The following RASSF3 variants were observed in gnomAD, a reference collection of about 807,000 sequenced individuals.
RASSF3 encodes ras association domain-containing protein 3.
RASSF3 carries 19 observed loss-of-function variants against 19.9 expected under a neutral mutation model. That is an observed-to-expected ratio of 0.96 (90% CI 0.67 to 1.40). RASSF3 has a LOEUF of 1.40. RASSF3 is among the 40% of genes most tolerant of loss of function. The pLI is 0.00. For synonymous variants in RASSF3, 110 were observed against 104.2 expected, an observed-to-expected ratio of 1.06 and a Z score of -0.34; for missense variants, 306 against 289.8, an observed-to-expected ratio of 1.06 and a Z score of -0.41.
intron 1 of RASSF3, among the ~76,000 whole-genome samples, chr12:64,636,858 T>G (rs939647529): frequency 9.7e-6 from 1 of 103,496 alleles, no homozygotes; most frequent in South Asian, 3.0e-4. Context: ...AGAGCAAAAC[T>G]CCGTCTCAAA....
At chr12:64,598,275 C>T (rs1332313586) in intron 2 of RASSF3, among the ~76,000 whole-genome samples, 1 of 152,144 alleles carries the variant, frequency 6.6e-6, no homozygotes, top group Non-Finnish European at 1.5e-5. Context: ...ACACATTCTT[C>T]ACAGGTTTAT....
intron 1 of RASSF3, among the ~76,000 whole-genome samples, chr12:64,656,177 C>G (rs1448814115): frequency 6.6e-6 from 1 of 151,846 alleles, no homozygotes; most frequent in Non-Finnish European, 1.5e-5. Context: ...TGTATATATG[C>G]ATTTGATAGT....
chr12:64,543,424 T>TCCC (rs1868979716), downstream of RASSF3, among the ~76,000 whole-genome samples: 1 of 22,354 alleles, frequency 4.5e-5, no homozygotes, highest in Non-Finnish European at 1.1e-4. Flanking sequence ...GCCCCCCGGC[T>TCCC]CCCCGCCCGC....
At chr12:64,693,682 C>G (rs2136226615) in intron 4 of RASSF3, among the ~76,000 whole-genome samples, 1 of 152,264 alleles carries the variant, frequency 6.6e-6, no homozygotes, top group South Asian at 2.1e-4. Context: ...ATCCTCCTGC[C>G]TAAGCATTCC....
chr12:64,572,973 G>A (rs527425813), intron 2 of RASSF3, among the ~76,000 whole-genome samples: 2 of 152,298 alleles, frequency 1.3e-5, no homozygotes, highest in Non-Finnish European at 2.9e-5. Context: ...GACCTCAAGT[G>A]ATCCTCTTGC....
intron 2 of RASSF3, among the ~76,000 whole-genome samples, chr12:64,568,351 A>G (rs1000861810): frequency 6.6e-6 from 1 of 151,938 alleles, no homozygotes; most frequent in Middle Eastern, 3.2e-3. Context: ...GGTTTTTTAA[A>G]CTTGTGAGAG....
intron 2 of RASSF3, among the ~76,000 whole-genome samples, chr12:64,561,447 A>G (rs1382704709): frequency 1.3e-5 from 2 of 152,196 alleles, no homozygotes; most frequent in Non-Finnish European, 2.9e-5. Flanking sequence ...CCCAGGGACT[A>G]GATGCCAGTA....
At chr12:64,564,724 A>G (rs900630879) in intron 2 of RASSF3, among the ~76,000 whole-genome samples, 4 of 151,960 alleles carry the variant, frequency 2.6e-5, no homozygotes, top group African/African-American at 9.7e-5. Context: ...CAACAGAGAA[A>G]TGCGTTATTG....
intron 1 of RASSF3, among the ~76,000 whole-genome samples, chr12:64,523,193 G>A (rs544071534): frequency 9.6e-4 from 146 of 152,278 alleles, no homozygotes; most frequent in Non-Finnish European, 1.6e-3. Context: ...ATCACCTGAG[G>A]TCAGGAGTTC....
rs973743306 is a variant in RASSF3 at position 64,535,231 on chromosome 12, C to T, written c.67+1897C>T. The stretch of plus-strand genomic sequence containing the variant: ...ATTCTATTAAAATTACATTTATGGC[C>T]AAGCACTGTGGCTCATGCCAGGAGT... On this transcript the variant is annotated intron_variant, in intron 1 of 1. Coordinates refer to the RASSF3 transcript ENST00000636333. Among the ~76,000 whole-genome samples the T allele has an allele frequency of 2.0e-5, 3 of 151,978 alleles. No individual in the cohort carries two copies. In the East Asian group the frequency reaches 5.8e-4, roughly 29 times the overall value.
At position 64,623,841 on chromosome 12, in the gene RASSF3, G is replaced by T. The variant is rs181190042; in HGVS notation, c.111+13098G>T. On this transcript the variant is annotated intron_variant, in intron 1 of 4. Transcript: ENST00000542104. ...TTTTTATTTTTTTAGTAGAGAGAGA[G>T]TTTCACCGTGTTGGCCAGACTGGCC... is the stretch of plus-strand genomic sequence containing the variant. 9.9e-4 allele frequency among the ~76,000 whole-genome samples: 151 copies of T among 151,908 alleles called. 4 individuals are homozygous for T. The highest frequency in any genetic ancestry group is 3.6e-3 in the African/African-American group (147 of 41,242).
intron 2 of RASSF3, among the ~76,000 whole-genome samples, chr12:64,597,015 CT>C (rs1241766113): frequency 6.6e-6 from 1 of 152,222 alleles, no homozygotes; most frequent in Non-Finnish European, 1.5e-5. Context: ...GATCCACCCA[CT>C]TCGGCCTCCT....
At chr12:64,526,698 G>A (rs1010225565) in intron 1 of RASSF3, among the ~76,000 whole-genome samples, 22 of 152,040 alleles carry the variant, frequency 1.4e-4, no homozygotes, top group Admixed American at 4.6e-4. Flanking sequence ...CACATGCCAC[G>A]TTGCTTGGAT....
chr12:64,589,824 G>A (rs1301816014), intron 2 of RASSF3, among the ~76,000 whole-genome samples: 1 of 151,680 alleles, frequency 6.6e-6, no homozygotes, highest in East Asian at 1.9e-4. Context: ...CCAACATGGT[G>A]AAACCCCATC....
intron 2 of RASSF3, among the ~76,000 whole-genome samples, chr12:64,588,445 G>C (rs1869853854): frequency 6.6e-6 from 1 of 151,948 alleles, no homozygotes; most frequent in Non-Finnish European, 1.5e-5. Context: ...AGCATTTACA[G>C]AGGCAGAAGC....
intron 1 of RASSF3, among the ~76,000 whole-genome samples, chr12:64,633,061 T>C (rs1051385257): frequency 1.3e-5 from 2 of 152,212 alleles, no homozygotes; most frequent in African/African-American, 4.8e-5. Flanking sequence ...GATCTGGCTC[T>C]ATTTGTTTTT....
chr12:64,519,009 A>C (rs1455822808), intron 1 of RASSF3, among the ~76,000 whole-genome samples: 1 of 152,202 alleles, frequency 6.6e-6, no homozygotes. Context: ...TTATTCTATG[A>C]CTAGAGCTCA....
chr12:64,684,013 A>AGT (rs10598381), intron 1 of RASSF3, among the ~76,000 whole-genome samples: 10,070 of 138,300 alleles, frequency 0.073, 367 homozygotes, highest in Non-Finnish European at 0.095. Flanking sequence ...AGAGAGAGTG[A>AGT]GTGTGTGTGT....
intron 1 of RASSF3, among the ~76,000 whole-genome samples, chr12:64,663,610 A>G (rs1003937009): frequency 4.0e-5 from 6 of 151,420 alleles, no homozygotes; most frequent in African/African-American, 1.5e-4. Flanking sequence ...GGTTCCAGTG[A>G]TCCTCCCACC....
Sources: allele counts gnomAD v4.1 joint callset (sites outside exome capture counted in the v4.1 genomes callset), GRCh38; gene constraint gnomAD v4.1.1; transcripts MANE v1.5; gene names NCBI Gene and HGNC (gene_info 2026-07-23, HGNC 2026-07-21).